The following PTPRD variants were observed in gnomAD, a reference collection of about 807,000 sequenced individuals.
The protein encoded by PTPRD is protein tyrosine phosphatase receptor type D.
Under a neutral mutation model 214.5 loss-of-function variants are expected in PTPRD, and 34 were observed. The ratio of observed to expected loss-of-function variants is 0.16; its 90% CI spans 0.12 to 0.21. PTPRD has a LOEUF of 0.21. Among genes scored for constraint, PTPRD ranks in the 10% least tolerant of loss-of-function variants. The pLI is 1.00. For missense variants in PTPRD, 2,545 were observed against 2,398.7 expected, an observed-to-expected ratio of 1.06 and a Z score of -1.27; for synonymous variants, 1,128 against 845.7, an observed-to-expected ratio of 1.33 and a Z score of -5.79.
At chr9:8,976,866 A>T (rs1441338941) in intron 11 of PTPRD, among the ~76,000 whole-genome samples, 2 of 152,092 alleles carry the variant, frequency 1.3e-5, no homozygotes, top group Non-Finnish European at 2.9e-5. Flanking sequence ...GAAGGAAAAG[A>T]TGCTGTTTTT....
At chr9:9,777,332 C>G (rs1227437948) in intron 5 of PTPRD, among the ~76,000 whole-genome samples, 1 of 150,172 alleles carries the variant, frequency 6.7e-6, no homozygotes, top group Non-Finnish European at 1.5e-5. Flanking sequence ...CATGCACACA[C>G]ACACACACAC....
intron 14 of PTPRD, among the ~76,000 whole-genome samples, chr9:8,630,456 C>T (rs1158119588): frequency 1.3e-5 from 2 of 151,596 alleles, no homozygotes; most frequent in Non-Finnish European, 2.9e-5. Context: ...AACAGTGACT[C>T]CAGGAAACAA....
intron 7 of PTPRD, among the ~76,000 whole-genome samples, chr9:9,716,408 A>G (rs866108955): frequency 3.9e-4 from 59 of 151,990 alleles, no homozygotes; most frequent in African/African-American, 1.3e-3. Flanking sequence ...TTCTAGTTCT[A>G]GATCCCTGAG....
intron 7 of PTPRD, among the ~76,000 whole-genome samples, chr9:9,601,744 A>G (rs2154338013): frequency 6.6e-6 from 1 of 152,096 alleles, no homozygotes; most frequent in Non-Finnish European, 1.5e-5. Context: ...AAAGGTTAAG[A>G]TCATTGTTCT....
At chr9:10,158,620 C>T (rs948360349) in intron 3 of PTPRD, among the ~76,000 whole-genome samples, 2 of 152,096 alleles carry the variant, frequency 1.3e-5, no homozygotes, top group African/African-American at 2.4e-5. Flanking sequence ...GGAAACAGTT[C>T]CCTGGGCTGC....
chr9:9,597,982 T>C (rs935826401), intron 7 of PTPRD, among the ~76,000 whole-genome samples: 2 of 152,028 alleles, frequency 1.3e-5, no homozygotes, highest in Non-Finnish European at 2.9e-5. Flanking sequence ...TAAGATTAAA[T>C]GCAAAAACCA....
intron 14 of PTPRD, among the ~76,000 whole-genome samples, chr9:8,558,869 T>TA (rs1281206461): frequency 1.3e-5 from 2 of 152,150 alleles, no homozygotes; most frequent in Admixed American, 6.5e-5. Flanking sequence ...CTTGGCATTC[T>TA]AAAAAAATTA....
rs567013081 is a variant in PTPRD at position 8,829,861 on chromosome 9, T to C, written c.-103-95915A>G. 2.0e-5 allele frequency among the ~76,000 whole-genome samples: 3 copies of C among 152,248 alleles called. No individual in the cohort carries two copies. In the South Asian group the frequency reaches 6.2e-4, roughly 32 times the overall value. On this transcript the variant is annotated intron_variant, in intron 11 of 45. Coordinates refer to ENST00000381196, the MANE Select transcript of PTPRD (RefSeq NM_002839.4). Reference sequence around the variant, plus strand: ...ATAATCTGTAAAATGGAAATAACAATAACATATCAGAAAACTAGTATGAAG... The same window carrying C: ...ATAATCTGTAAAATGGAAATAACAACAACATATCAGAAAACTAGTATGAAG...
At chr9:10,136,354 A>G (rs996715741) in intron 3 of PTPRD, among the ~76,000 whole-genome samples, 1 of 152,052 alleles carries the variant, frequency 6.6e-6, no homozygotes, top group Non-Finnish European at 1.5e-5. Context: ...GAAATTTTGG[A>G]CTTAAACTCG....
At chr9:10,510,559 G>A (rs1189046115) in intron 2 of PTPRD, among the ~76,000 whole-genome samples, 1 of 151,884 alleles carries the variant, frequency 6.6e-6, no homozygotes, top group South Asian at 2.1e-4. Flanking sequence ...TGCTTTTTGT[G>A]TATTTTTAAT....
intron 12 of PTPRD, among the ~76,000 whole-genome samples, chr9:8,667,176 T>C (rs987070292): frequency 4.0e-5 from 6 of 151,876 alleles, no homozygotes; most frequent in Non-Finnish European, 7.4e-5. Context: ...CCATCTCTAC[T>C]AAAAATACAA....
chr9:8,782,784 C>T (rs529831189), intron 11 of PTPRD, among the ~76,000 whole-genome samples: 16 of 151,952 alleles, frequency 1.1e-4, no homozygotes, highest in East Asian at 3.9e-4. Flanking sequence ...TTAGTAGAGA[C>T]AGGGTTTCAC....
At chr9:8,687,166 A>G (rs1487463209) in intron 12 of PTPRD, among the ~76,000 whole-genome samples, 2 of 152,212 alleles carry the variant, frequency 1.3e-5, no homozygotes, top group Admixed American at 1.3e-4. Context: ...AATCAAATTC[A>G]GTCCTTAGAT....
chr9:10,550,338 C>T (rs926619834), intron 2 of PTPRD, among the ~76,000 whole-genome samples: 7 of 152,032 alleles, frequency 4.6e-5, no homozygotes, highest in Non-Finnish European at 1.0e-4. Context: ...GGGTATTTTG[C>T]GTGATGCTGA....
At chr9:9,932,256 G>T (rs1044384144) in intron 5 of PTPRD, among the ~76,000 whole-genome samples, 5 of 150,600 alleles carry the variant, frequency 3.3e-5, no homozygotes, top group African/African-American at 5.0e-5. Flanking sequence ...AGAGAAGAAG[G>T]CTTCAGACGA....
At chr9:9,612,714 C>T (rs899087458) in intron 7 of PTPRD, among the ~76,000 whole-genome samples, 4 of 151,264 alleles carry the variant, frequency 2.6e-5, no homozygotes, top group African/African-American at 4.9e-5. Context: ...AATTTGAGAG[C>T]CAAAAGAAAA....
At chr9:8,827,278 T>C (rs923357746) in intron 11 of PTPRD, among the ~76,000 whole-genome samples, 1 of 150,734 alleles carries the variant, frequency 6.6e-6, no homozygotes, top group Admixed American at 6.6e-5. Context: ...AATAGATACG[T>C]GACTCAACCC....
intron 3 of PTPRD, among the ~76,000 whole-genome samples, chr9:10,171,603 C>T (rs1365976771): frequency 6.6e-6 from 1 of 152,186 alleles, no homozygotes; most frequent in South Asian, 2.1e-4. Context: ...CGGCTCACTG[C>T]GAGCTCCGCC....
intron 3 of PTPRD, among the ~76,000 whole-genome samples, chr9:10,055,882 A>ATAT (rs1567363300): frequency 6.6e-6 from 1 of 150,760 alleles, no homozygotes; most frequent in South Asian, 2.1e-4. Flanking sequence ...TATATATATA[A>ATAT]ATGTATAATG....
Sources: allele counts gnomAD v4.1 joint callset (sites outside exome capture counted in the v4.1 genomes callset), GRCh38; gene constraint gnomAD v4.1.1; transcripts MANE v1.5; gene names NCBI Gene and HGNC (gene_info 2026-07-23, HGNC 2026-07-21).